ABCA6: variants seen among roughly 807,000 people sequenced by gnomAD.
The protein encoded by ABCA6 is ATP binding cassette subfamily A member 6, also known as ATP-binding cassette sub-family A member 6.
A neutral mutation model predicts 191.2 loss-of-function variants in ABCA6; 164 were observed. The observed-to-expected ratio is 0.86, with a 90% CI of 0.76 to 0.98. The LOEUF (loss-of-function observed/expected upper bound fraction) is 0.98, where lower values mean the gene tolerates loss of function less well. Ranked by LOEUF, ABCA6 falls within the 50% of genes least tolerant of loss-of-function variation. The pLI, the probability that ABCA6 is intolerant of heterozygous loss-of-function variation, is 0.00. For synonymous variants in ABCA6, 636 were observed against 647.7 expected (o/e 0.98, Z 0.27); for missense variants, 1,958 against 1,894.1 (o/e 1.03, Z -0.63).
At position 69,088,165 on chromosome 17, in the gene ABCA6, A is replaced by G; in HGVS notation, c.3698+2T>C. On this transcript the variant is annotated splice_donor_variant, in intron 28 of 38. Coordinates refer to ENST00000284425, the MANE Select transcript of ABCA6 (RefSeq NM_080284.3). LOFTEE classifies it high-confidence loss of function. ...AAGTATAAAGTTAAATTTCACCCCA[A>G]CCTGAAAACAGGATCTTTTCGCATT... 6.2e-7 allele frequency: 1 copy of G among 1,608,708 alleles called. No individual in the cohort carries two copies. Among genetic ancestry groups the G allele is most frequent in the Non-Finnish European group, 8.5e-7 (1 of 1,177,296 alleles).
At chr17:69,140,212 TGTTA>T (rs1229221536) in intron 2 of ABCA6, among the ~76,000 whole-genome samples, 1 of 152,078 alleles carries the variant, frequency 6.6e-6, no homozygotes, top group Non-Finnish European at 1.5e-5. Context: ...CTTTCAGTGG[TGTTA>T]GTTGATCATA....
chr17:69,122,638 C>T (rs2073670613), intron 10 of ABCA6, among the ~76,000 whole-genome samples: 1 of 151,816 alleles, frequency 6.6e-6, no homozygotes, highest in Non-Finnish European at 1.5e-5. Flanking sequence ...TCCAACTTAT[C>T]ATATAAAACC....
rs759815031 is a variant in ABCA6, at chr17:69,085,045, C to T, written c.4167G>A (p.Ala1389=). 16 of 1,610,652 alleles carry T rather than the reference C, an allele frequency of 9.9e-6. No homozygotes were observed. The highest frequency in any genetic ancestry group is 1.2e-5 in the Non-Finnish European group (14 of 1,179,204). The part of the protein sequence containing the change: ...AAVKGLRKAD[A]RLAIARLVSA... ...GTCTGTACCTTGCGATGGCGAGCCT[C>T]GCGTCCGCTTTCCTGAGCCCCTTGA... Residue 1389 remains alanine, a synonymous_variant, in exon 32 of 39, where the codon GCG becomes GCA. Coordinates refer to ENST00000284425, the MANE Select transcript of ABCA6 (RefSeq NM_080284.3).
chr17:69,113,511 C>A, intron 14 of ABCA6, 107 bp downstream of exon 14: 1 of 1,564,396 alleles, frequency 6.4e-7, no homozygotes. Context: ...ATAGCAGGTT[C>A]TCTCTTGATG....
At chr17:69,128,927 T>G in intron 7 of ABCA6, 123 bp from the exon 8 acceptor site, 1 of 743,102 alleles carries the variant, frequency 1.3e-6, no homozygotes, top group Non-Finnish European at 2.1e-6. Context: ...GAGAAAGTGG[T>G]GAAAATATTA....
intron 1 of ABCA6, among the ~76,000 whole-genome samples, chr17:69,140,960 T>C (rs2074017757): frequency 6.6e-6 from 1 of 152,060 alleles, no homozygotes; most frequent in African/African-American, 2.4e-5. Context: ...TGCAATAACT[T>C]GGAGTACTGA....
At chr17:69,110,598 C>T in intron 17 of ABCA6, 1 of 542,864 alleles carries the variant, frequency 1.8e-6, no homozygotes, top group South Asian at 2.4e-5. Context: ...CCTTCCCTCT[C>T]TCCTGTCCCC....
chr17:69,098,702 TG>T (rs2073107911), intron 22 of ABCA6: 1 of 148,980 alleles, frequency 6.7e-6, no homozygotes, highest in South Asian at 2.1e-4. Flanking sequence ...ATATGCTAAG[TG>T]AAATAAACCA....
chr17:69,101,532 GT>G (rs1486741902), intron 21 of ABCA6, among the ~76,000 whole-genome samples: 2 of 150,998 alleles, frequency 1.3e-5, no homozygotes, highest in Non-Finnish European at 2.9e-5. Flanking sequence ...GAAGGCAGAG[GT>G]TGTAGTGAGC....
intron 5 of ABCA6, among the ~76,000 whole-genome samples, chr17:69,134,229 T>C (rs971855782): frequency 2.6e-5 from 4 of 152,186 alleles, no homozygotes; most frequent in African/African-American, 9.7e-5. Flanking sequence ...TGGCCCCTCC[T>C]AAATTCTTGT....
At chr17:69,093,971 G>T (rs1214524375) in intron 25 of ABCA6, among the ~76,000 whole-genome samples, 1 of 152,110 alleles carries the variant, frequency 6.6e-6, no homozygotes, top group Non-Finnish European at 1.5e-5. Flanking sequence ...AACGTACCTT[G>T]CCTCTGGAAT....
chr17:69,111,661 T>A (rs569386234), intron 16 of ABCA6: 11 of 152,714 alleles, frequency 7.2e-5, no homozygotes, highest in African/African-American at 2.6e-4. Flanking sequence ...CACGCCGAAC[T>A]GTGAGTCAAT....
chr17:69,090,016 C>T (rs1568000519), intron 26 of ABCA6, among the ~76,000 whole-genome samples: 1 of 152,276 alleles, frequency 6.6e-6, no homozygotes, highest in East Asian at 1.9e-4. Flanking sequence ...GTTATTCTTT[C>T]TTCATCAATC....
chr17:69,091,783 A>AT, intron 25 of ABCA6, among the ~76,000 whole-genome samples: 1 of 19,326 alleles, frequency 5.2e-5, no homozygotes, highest in East Asian at 3.8e-4. Flanking sequence ...CGGCCTCCCA[A>AT]AGTGCTGGGA....
intron 17 of ABCA6, chr17:69,109,778 AC>A (rs1396625524): frequency 6.6e-6 from 1 of 152,146 alleles, no homozygotes; most frequent in Non-Finnish European, 1.5e-5. Flanking sequence ...TATCAGAGCA[AC>A]TGTCACGGTA....
chr17:69,089,363 T>C (rs1268164468), intron 27 of ABCA6, 102 bp downstream of exon 27: 27 of 1,121,196 alleles, frequency 2.4e-5, no homozygotes, highest in South Asian at 1.7e-4. Context: ...TAAGATCATA[T>C]AAAAACACTT....
intron 23 of ABCA6, among the ~76,000 whole-genome samples, chr17:69,097,130 C>T (rs972303769): frequency 3.3e-5 from 5 of 152,152 alleles, no homozygotes; most frequent in Non-Finnish European, 7.3e-5. Context: ...TGGTGGCTCA[C>T]GCCTGTAATC....
At position 69,097,977 on chromosome 17, in the gene ABCA6, A is replaced by G; in HGVS notation, c.3063T>C (p.Phe1021=). Residue 1021 remains phenylalanine (F), a synonymous_variant, in exon 23 of 39, where the codon TTT becomes TTC. Coordinates refer to ENST00000284425, the MANE Select transcript of ABCA6 (RefSeq NM_080284.3). The part of the protein sequence containing the change: ...TGLPDGSFFL[F]LVLCSISPYI... ...AAGGAGAAATGCTACATAGAACCAA[A>G]AATAAGAAAAAGGAACCATCCGGCA... is the stretch of plus-strand genomic sequence containing the variant. 1 of 1,612,190 alleles carries G rather than the reference A, an allele frequency of 6.2e-7. No homozygotes were observed. Among genetic ancestry groups the G allele is most frequent in the Middle Eastern group, 1.7e-4 (1 of 6,056 alleles).
intron 18 of ABCA6, 97 bp from the exon 19 acceptor site, chr17:69,106,308 C>G: frequency 8.5e-7 from 1 of 1,177,190 alleles, no homozygotes; most frequent in Non-Finnish European, 1.2e-6. Flanking sequence ...AATAGTATTA[C>G]ATGGCCAGGC....
Sources: allele counts gnomAD v4.1 joint callset (sites outside exome capture counted in the v4.1 genomes callset), GRCh38; gene constraint gnomAD v4.1.1; transcripts MANE v1.5; gene names NCBI Gene and HGNC (gene_info 2026-07-23, HGNC 2026-07-21).